PEAK1: variants seen among roughly 807,000 people sequenced by gnomAD.
PEAK1 encodes pseudopodium enriched atypical kinase 1, also known as inactive tyrosine-protein kinase PEAK1.
A neutral mutation model predicts 124.7 loss-of-function variants in PEAK1; 54 were observed. That is an observed-to-expected ratio of 0.43 (90% CI 0.35 to 0.54). The LOEUF is 0.54. Among genes scored for constraint, PEAK1 ranks in the 20% least tolerant of loss-of-function variants. The probability of loss-of-function intolerance (pLI) is 0.01; values close to 1 mark genes in which losing one functional copy is unlikely to be tolerated. For missense variants in PEAK1, 2,046 were observed against 2,134.5 expected (o/e 0.96, Z 0.82); for synonymous variants, 719 against 760.0 (o/e 0.95, Z 0.89).
intron 2 of PEAK1, among the ~76,000 whole-genome samples, chr15:77,301,543 A>T (rs1487031926): frequency 6.6e-6 from 1 of 152,114 alleles, no homozygotes; most frequent in Non-Finnish European, 1.5e-5. Flanking sequence ...TGTTTTGCAA[A>T]ACTGTGATTT....
At chr15:77,287,250 TAAAAC>T (rs1364271562) in intron 2 of PEAK1, among the ~76,000 whole-genome samples, 1 of 152,192 alleles carries the variant, frequency 6.6e-6, no homozygotes, top group Admixed American at 6.5e-5. Flanking sequence ...GAGTAATTCT[TAAAAC>T]AAAACCAGAA....
At chr15:77,303,219 A>T (rs1010660607) in intron 2 of PEAK1, among the ~76,000 whole-genome samples, 4 of 152,202 alleles carry the variant, frequency 2.6e-5, no homozygotes, top group Admixed American at 6.5e-5. Flanking sequence ...TGCTACAAAC[A>T]TTTGTGTACA....
At chr15:77,251,949 GCAGT>G (rs1285080748) in intron 6 of PEAK1, among the ~76,000 whole-genome samples, 2 of 152,230 alleles carry the variant, frequency 1.3e-5, no homozygotes, top group African/African-American at 2.4e-5. Flanking sequence ...CTCTGCAGGA[GCAGT>G]CAAAGAGCTG....
chr15:77,165,518 C>T (rs895911360), intron 7 of PEAK1, among the ~76,000 whole-genome samples: 5 of 152,038 alleles, frequency 3.3e-5, no homozygotes, highest in Non-Finnish European at 7.4e-5. Flanking sequence ...CTTTCTGGGG[C>T]CCCGGACTTT....
rs2058619718 is a variant in PEAK1, at chr15:77,205,881, T to G, written c.-114-23841A>C. 2.0e-5 allele frequency among the ~76,000 whole-genome samples: 3 copies of G among 150,828 alleles called. No individual in the cohort carries two copies. In the South Asian group the frequency reaches 6.4e-4, roughly 32 times the overall value. ...AGGGTACATGTGCACATTGTGCAGGTTAGTTACATATGTATACATGTGCCA... is the reference window on the plus strand; with the variant it reads ...AGGGTACATGTGCACATTGTGCAGGGTAGTTACATATGTATACATGTGCCA... On this transcript the variant is annotated intron_variant, in intron 6 of 9. Transcript: ENST00000682557.
chr15:77,398,544 G>C (rs995213890), intron 1 of PEAK1, among the ~76,000 whole-genome samples: 3 of 151,856 alleles, frequency 2.0e-5, no homozygotes, highest in Non-Finnish European at 4.4e-5. Context: ...TGCTGAAAAA[G>C]CATTTGCTAA....
intron 6 of PEAK1, among the ~76,000 whole-genome samples, chr15:77,206,503 T>C (rs1329543329): frequency 6.6e-6 from 1 of 150,548 alleles, no homozygotes; most frequent in Non-Finnish European, 1.5e-5. Flanking sequence ...TTCCTGACTT[T>C]TTAATGATTG....
At chr15:77,148,636 G>A (rs1269289829) in intron 8 of PEAK1, among the ~76,000 whole-genome samples, 1 of 152,148 alleles carries the variant, frequency 6.6e-6, no homozygotes, top group Non-Finnish European at 1.5e-5. Context: ...GGAGAAGGAA[G>A]CCAGGTATGG....
intron 6 of PEAK1, among the ~76,000 whole-genome samples, chr15:77,208,382 C>A (rs1409567453): frequency 6.6e-6 from 1 of 152,122 alleles, no homozygotes; most frequent in Non-Finnish European, 1.5e-5. Context: ...AACCACATAT[C>A]TTCTCTAGTT....
chr15:77,133,391 C>T lies in PEAK1; in HGVS notation c.3691G>A (p.Ala1231Thr). 6.2e-7 allele frequency: 1 copy of T among 1,614,226 alleles called. No individual in the cohort carries two copies. ...GTTAAGCTGGAAATGCTGTTTGCTG[C>T]TGAGGGGACAGGTCTCTCCTTGCGC... Reference protein sequence around the residue: ...PLRKERPVPSAANSISSLTTL... With the variant: ...PLRKERPVPSTANSISSLTTL... Residue 1231 changes from alanine to threonine, a missense_variant, in exon 9 of 10, where the codon GCA becomes ACA. Physicochemically the swap from Ala to Thr is moderately conservative, Grantham distance 58 (BLOSUM62 0). Coordinates refer to ENST00000682557, the MANE Select transcript of PEAK1 (RefSeq NM_001385026.1). This position sits in a 1 kb window ranked among gnomAD's most constrained non-coding sequence, Gnocchi z 4.2.
chr15:77,404,915 T>C, intron 1 of PEAK1: 4 of 314,214 alleles, frequency 1.3e-5, no homozygotes, highest in Non-Finnish European at 1.8e-5. Flanking sequence ...TCAGCTCCTG[T>C]ATGCCTTTCA....
intron 1 of PEAK1, chr15:77,419,288 T>C (rs2073157377): frequency 1.0e-6 from 1 of 985,074 alleles, no homozygotes; most frequent in Non-Finnish European, 1.2e-6. Flanking sequence ...CCCAGACGGA[T>C]GGTGCATGCG....
intron 2 of PEAK1, among the ~76,000 whole-genome samples, chr15:77,319,091 T>C (rs566517005): frequency 3.3e-5 from 5 of 149,638 alleles, no homozygotes; most frequent in Admixed American, 6.6e-5. Flanking sequence ...ATAATCACTA[T>C]GATATAATAC....
intron 2 of PEAK1, among the ~76,000 whole-genome samples, chr15:77,317,142 A>G (rs1198639232): frequency 6.6e-6 from 1 of 152,186 alleles, no homozygotes; most frequent in Non-Finnish European, 1.5e-5. Context: ...TTCTGTTTCA[A>G]TAATAACAAA....
intron 7 of PEAK1, among the ~76,000 whole-genome samples, chr15:77,175,371 T>C (rs1204515170): frequency 1.3e-5 from 2 of 151,716 alleles, no homozygotes; most frequent in Non-Finnish European, 2.9e-5. Context: ...AGGGCTAATA[T>C]CCAGAATCTA....
intron 2 of PEAK1, among the ~76,000 whole-genome samples, chr15:77,363,920 C>T (rs1012013052): frequency 3.3e-5 from 5 of 151,956 alleles, no homozygotes; most frequent in African/African-American, 1.2e-4. Flanking sequence ...TGATGAAAGG[C>T]CAGGCAGGTG....
intron 5 of PEAK1, among the ~76,000 whole-genome samples, chr15:77,281,307 AAAAG>A (rs2062661072): frequency 6.6e-6 from 1 of 152,312 alleles, no homozygotes; most frequent in African/African-American, 2.4e-5. Context: ...ATTGCTGGAG[AAAAG>A]AAAGTAAGCC....
chr15:77,105,358 G>GCGCA (rs1555407962), downstream of PEAK1: 2 of 80,542 alleles, frequency 2.5e-5, no homozygotes, highest in African/African-American at 8.5e-5. Context: ...GTGTGTGTGT[G>GCGCA]CGCGCGTGCG....
intron 6 of PEAK1, among the ~76,000 whole-genome samples, chr15:77,183,090 C>A (rs994756154): frequency 1.3e-5 from 2 of 152,084 alleles, no homozygotes; most frequent in Non-Finnish European, 2.9e-5. Flanking sequence ...GTTTTTGTAT[C>A]CCAAGGTTAA....
Sources: gnomAD v4.1 joint callset for allele counts (sites outside exome capture counted in the v4.1 genomes callset) on GRCh38, gnomAD v4.1.1 for gene constraint, Gnocchi (gnomAD v3.1) non-coding constraint, MANE v1.5 for transcripts, NCBI Gene and HGNC (gene_info 2026-07-23, HGNC 2026-07-21) for gene names.